Variants in ELMO1 observed in about 807,000 individuals in gnomAD.
ELMO1 encodes the protein engulfment and cell motility protein 1.
In ELMO1, 26 loss-of-function variants were observed where a neutral mutation model predicts 98.9. That is an observed-to-expected ratio of 0.26 (90% CI 0.19 to 0.36). The LOEUF (loss-of-function observed/expected upper bound fraction) is 0.36, where lower values mean the gene tolerates loss of function less well. Among genes scored for constraint, ELMO1 ranks in the 10% least tolerant of loss-of-function variants. ELMO1 has a pLI of 1.00. For missense variants in ELMO1, 627 were observed against 935.2 expected (o/e 0.67, Z 4.30); for synonymous variants, 346 against 346.0 (o/e 1.00, Z 0.00).
Position 37,342,916 on chromosome 7 carries a change from G to A in ELMO1, c.-73-153C>T, listed in dbSNP as rs17259252. ...CTGAAGGTGCAGGGGCACAGCCAAC[G>A]GTACAATGGGCTCCTGAGGAAAGAA... On this transcript the variant is annotated intron_variant, in intron 1 of 21. Transcript: ENST00000310758. The surrounding 1 kb of genome is among the most constrained non-coding windows in gnomAD (Gnocchi z 4.3). 0.38 allele frequency: 184,417 copies of A among 488,608 alleles called. 36,258 individuals carry two copies. Among genetic ancestry groups the A allele is most frequent in the Non-Finnish European group, 0.43 (119,583 of 277,908 alleles). The allele number at this position is 488,608 out of a possible 1,614,324, so 30.3% of individuals were successfully genotyped here. A position where few individuals can be genotyped will look rare whatever the true frequency, so the allele number is the denominator to read the frequency against.
intron 1 of ELMO1, among the ~76,000 whole-genome samples, chr7:37,344,328 G>A (rs1442328456): frequency 6.6e-6 from 1 of 152,118 alleles, no homozygotes; most frequent in Non-Finnish European, 1.5e-5. Context: ...CACCGTGACT[G>A]GCCAAAAGGG....
chr7:37,296,559 C>T (rs1259552607), intron 4 of ELMO1, among the ~76,000 whole-genome samples: 1 of 152,138 alleles, frequency 6.6e-6, no homozygotes, highest in East Asian at 1.9e-4. Context: ...AAGTGATAGC[C>T]CCTCTTATTC....
chr7:37,130,199 C>A lies in ELMO1; in HGVS notation c.1191+2931G>T, dbSNP rs180901125. 7.0e-3 allele frequency among the ~76,000 whole-genome samples: 1,067 copies of A among 152,220 alleles called. 6 individuals are homozygous for A. The highest frequency in any genetic ancestry group is 0.011 in the Non-Finnish European group (728 of 68,014). ...ACTGCCTGGTATTTGTCTCTTCACCCCCCACCCCACCACCACCACCTCTAC... is the reference window on the plus strand; with the variant it reads ...ACTGCCTGGTATTTGTCTCTTCACCACCCACCCCACCACCACCACCTCTAC... On this transcript the variant is annotated intron_variant, in intron 14 of 21. Coordinates refer to ENST00000310758, the MANE Select transcript of ELMO1 (RefSeq NM_014800.11).
At chr7:37,167,477 C>A (rs1184185404) in intron 13 of ELMO1, among the ~76,000 whole-genome samples, 1 of 150,268 alleles carries the variant, frequency 6.7e-6, no homozygotes, top group African/African-American at 2.5e-5. Context: ...CGGCTGGTAC[C>A]GGTTGTTCCT....
At chr7:37,034,001 C>T (rs1795034793) in intron 15 of ELMO1, among the ~76,000 whole-genome samples, 1 of 152,172 alleles carries the variant, frequency 6.6e-6, no homozygotes, top group Non-Finnish European at 1.5e-5. Context: ...ATTGTATTCC[C>T]ATGTACAAAT....
At chr7:37,429,689 TC>T (rs1367201896) in intron 1 of ELMO1, 1 of 152,332 alleles carries the variant, frequency 6.6e-6, no homozygotes, top group African/African-American at 2.4e-5. Flanking sequence ...TGTTTTTCTT[TC>T]TTGCACAGAG....
chr7:37,197,468 C>A (rs980173176), intron 13 of ELMO1, among the ~76,000 whole-genome samples: 12 of 152,244 alleles, frequency 7.9e-5, no homozygotes, highest in Admixed American at 5.9e-4. Context: ...CACCTCCTCT[C>A]CCGAGGTCAC....
intron 1 of ELMO1, among the ~76,000 whole-genome samples, chr7:37,361,310 G>C (rs951349486): frequency 8.5e-5 from 13 of 152,140 alleles, no homozygotes; most frequent in Non-Finnish European, 1.8e-4. Context: ...CAATAAAAAA[G>C]AATAAACTGC....
chr7:37,264,732 C>A lies in ELMO1; in HGVS notation c.244-5382G>T, dbSNP rs540336412. On this transcript the variant is annotated intron_variant, in intron 5 of 21. Coordinates refer to ENST00000310758, the MANE Select transcript of ELMO1 (RefSeq NM_014800.11). ...TCCCAGATAGGAAAGGGTTCTGGAC[C>A]CAGACTCCAGACTCCAAGGGAGGAA... 2.7e-4 allele frequency among the ~76,000 whole-genome samples: 41 copies of A among 152,170 alleles called. No homozygotes were observed. The South Asian group carries it at 8.3e-3, about 31-fold the overall frequency.
intron 14 of ELMO1, among the ~76,000 whole-genome samples, chr7:37,132,665 G>C (rs912835079): frequency 6.6e-6 from 1 of 152,104 alleles, no homozygotes; most frequent in South Asian, 2.1e-4. Context: ...ATCTACCTTC[G>C]TGACTAGAAT....
chr7:37,251,023 C>T (rs957755937), intron 6 of ELMO1, among the ~76,000 whole-genome samples: 1 of 152,050 alleles, frequency 6.6e-6, no homozygotes, highest in Admixed American at 6.6e-5. Flanking sequence ...GACTGACTAA[C>T]AGTGGAAGGA....
intron 15 of ELMO1, among the ~76,000 whole-genome samples, chr7:37,049,599 T>C (rs1485027199): frequency 1.3e-5 from 2 of 151,812 alleles, no homozygotes; most frequent in Non-Finnish European, 2.9e-5. Context: ...TTTTGTCATA[T>C]TCGTTCATGG....
chr7:37,379,832 CTTTTTGGA>C (rs1310865726), intron 1 of ELMO1, among the ~76,000 whole-genome samples: 1 of 152,152 alleles, frequency 6.6e-6, no homozygotes, highest in African/African-American at 2.4e-5. Flanking sequence ...CACAAACATT[CTTTTTGGA>C]TAAGGTACTG....
At chr7:37,044,994 G>A (rs1177608819) in intron 15 of ELMO1, among the ~76,000 whole-genome samples, 1 of 152,204 alleles carries the variant, frequency 6.6e-6, no homozygotes, top group East Asian at 1.9e-4. Flanking sequence ...GCTAAGCTCT[G>A]GGATGGAGGT....
chr7:37,390,793 A>G (rs964661971), intron 1 of ELMO1, among the ~76,000 whole-genome samples: 11 of 152,162 alleles, frequency 7.2e-5, no homozygotes, highest in African/African-American at 2.4e-4. Flanking sequence ...CCAGGTGTTG[A>G]GGGCCATGAG....
intron 13 of ELMO1, among the ~76,000 whole-genome samples, chr7:37,202,346 G>A (rs1792345462): frequency 6.6e-6 from 1 of 152,172 alleles, no homozygotes; most frequent in Admixed American, 6.5e-5. Context: ...TTAAGTGAAT[G>A]TCAAAATTTA....
At chr7:37,401,165 A>T (rs1239421690) in intron 1 of ELMO1, among the ~76,000 whole-genome samples, 1 of 152,044 alleles carries the variant, frequency 6.6e-6, no homozygotes, top group African/African-American at 2.4e-5. Context: ...AATCCCATTC[A>T]CTCTCCCTGC....
intron 14 of ELMO1, among the ~76,000 whole-genome samples, chr7:37,132,403 T>A (rs1584696387): frequency 6.6e-6 from 1 of 152,306 alleles, no homozygotes; most frequent in Non-Finnish European, 1.5e-5. Context: ...CAATCTTGGA[T>A]CTACCTCATC....
In ELMO1 at chr7:36,989,457, G is replaced by A. The variant is rs547330179; in HGVS notation, c.1437+23842C>T. ...CACGAATATTTTCCCAAGCACTCCA[G>A]GAATTCTTACGCACACCACAGTTTA... On this transcript the variant is annotated intron_variant, in intron 16 of 21. Coordinates refer to ENST00000310758, the MANE Select transcript of ELMO1 (RefSeq NM_014800.11). 3.9e-5 allele frequency among the ~76,000 whole-genome samples: 6 copies of A among 152,312 alleles called. No homozygotes were observed. In the South Asian group the frequency reaches 1.2e-3, roughly 32 times the overall value.
Sources: allele counts gnomAD v4.1 joint callset (sites outside exome capture counted in the v4.1 genomes callset), GRCh38; gene constraint gnomAD v4.1.1; non-coding constraint Gnocchi (gnomAD v3.1); transcripts MANE v1.5; gene names NCBI Gene and HGNC (gene_info 2026-07-23, HGNC 2026-07-21).